Variants in GRK1 observed in about 807,000 individuals in gnomAD.
GRK1 encodes the protein G protein-coupled receptor kinase 1, also known as rhodopsin kinase GRK1.
In GRK1, 28 loss-of-function variants were observed where a neutral mutation model predicts 41.7. That is an observed-to-expected ratio of 0.67 (90% CI 0.50 to 0.92). The LOEUF is 0.92. GRK1 is among the 40% of genes least tolerant of loss of function. GRK1 has a pLI of 0.00. For synonymous variants in GRK1, 327 were observed against 286.7 expected, an observed-to-expected ratio of 1.14 and a Z score of -1.42; for missense variants, 703 against 671.2, an observed-to-expected ratio of 1.05 and a Z score of -0.52.
intron 1 of GRK1, among the ~76,000 whole-genome samples, chr13:113,668,375 T>C (rs2049834371): frequency 6.6e-6 from 1 of 152,022 alleles, no homozygotes; most frequent in Admixed American, 6.5e-5. Context: ...GCCTCAAGTG[T>C]GGGGGAAAGA....
In GRK1 at chr13:113,736,711, C is replaced by T. The variant is rs756799754; in HGVS notation, c.*1348C>T. 3.3e-5 allele frequency: 5 copies of T among 152,202 alleles called. No individual in the cohort carries two copies. In the East Asian group the frequency reaches 7.7e-4, roughly 24 times the overall value. 9.4% of individuals were successfully genotyped at this position (152,202 alleles called of 1,614,324 possible). Reference sequence around the variant, plus strand: ...TTTAGGAAAGAACTTCCTTTGAGCCCCGGCCACTGTTGTACCAGTGGGAGA... The same window carrying T: ...TTTAGGAAAGAACTTCCTTTGAGCCTCGGCCACTGTTGTACCAGTGGGAGA... On this transcript the variant is annotated 3_prime_UTR_variant, in exon 7 of 7. Transcript: ENST00000335678.
rs1014078359 is a variant in GRK1, at chr13:113,733,510, CGT to C, written c.1396+433_1396+434del. On this transcript the variant is annotated intron_variant, in intron 6 of 6. Transcript: ENST00000335678. ...GCGCGCGTGTGTGTATGTGTGTGCA[CGT>C]GTGTGTGCATGTGTGCGCGTGTGTG... is the stretch of plus-strand genomic sequence containing the variant. 4.4e-4 allele frequency among the ~76,000 whole-genome samples: 55 copies of C among 124,280 alleles called. 2 individuals carry two copies. The South Asian group carries it at 5.1e-3, about 12-fold the overall frequency. 81.5% of individuals were successfully genotyped at this position (124,280 alleles called of 152,430 possible). A position where few individuals can be genotyped will look rare whatever the true frequency, so the allele number is the denominator to read the frequency against.
At chr13:113,666,195 CCCCAGGTGTGCCCCCGCTGT>C (rs1335012679), upstream of GRK1, among the ~76,000 whole-genome samples, 1 of 144,742 alleles carries the variant, frequency 6.9e-6, no homozygotes, top group African/African-American at 2.6e-5. Flanking sequence ...CTCAGGTGTG[CCCCAGGTGTGCCCCCGCTGT>C]CCCAGGTGTG....
the GRK1 span, chr13:113,653,254 A>G: frequency 2.8e-5 from 41 of 1,485,780 alleles, 1 homozygote; most frequent in South Asian, 1.7e-4. Context: ...TTCACACCTC[A>G]CCCACCCGCC....
chr13:113,724,151 G>A (rs1027370217), intron 4 of GRK1, among the ~76,000 whole-genome samples: 2 of 152,120 alleles, frequency 1.3e-5, no homozygotes, highest in Non-Finnish European at 2.9e-5. Flanking sequence ...AAGCAGAGCG[G>A]GGTCCGTGTT....
At chr13:113,652,886 A>G in the GRK1 span, 1 of 1,614,190 alleles carries the variant, frequency 6.2e-7, no homozygotes, top group South Asian at 1.1e-5. Context: ...GTTCATTTTA[A>G]TAATAAAACA....
chr13:113,654,669 G>A, the GRK1 span: 1 of 1,297,084 alleles, frequency 7.7e-7, no homozygotes, highest in Non-Finnish European at 1.0e-6. Context: ...ACCTGCTGGG[G>A]TGTGTGGCTC....
rs2049905154 is a variant in GRK1 at position 113,728,121 on chromosome 13, CG to C, written c.1070-3097del. Among the ~76,000 whole-genome samples the C allele has an allele frequency of 2.4e-5, 2 of 81,682 alleles. 1 individual carries two copies. The highest frequency in any genetic ancestry group is 1.5e-4 in the African/African-American group (2 of 13,600). The allele number at this position is 81,682 out of a possible 152,430, so 53.6% of individuals were successfully genotyped here. ...CCATGGCAATGAGGAGTACCCATGG[CG>C]ATGAGGAGTACCCATGGCGATGAGG... On this transcript the variant is annotated intron_variant, in intron 4 of 6. Coordinates refer to ENST00000335678, the MANE Select transcript of GRK1 (RefSeq NM_002929.3).
chr13:113,652,761 T>A, the GRK1 span: 2 of 1,274,680 alleles, frequency 1.6e-6, no homozygotes, highest in East Asian at 2.5e-5. Context: ...GGAGTCCCTG[T>A]CCCGCTTGGG....
chr13:113,653,532 C>A, the GRK1 span: 3 of 1,042,802 alleles, frequency 2.9e-6, no homozygotes, highest in South Asian at 1.4e-5. Context: ...GGCGGTGGCC[C>A]AACCCAGGAG....
chr13:113,650,241 T>C, the GRK1 span, among the ~76,000 whole-genome samples: 1 of 152,056 alleles, frequency 6.6e-6, no homozygotes, highest in East Asian at 1.9e-4. The surrounding 1 kb of genome is among the most constrained non-coding windows in gnomAD (Gnocchi z 5.0). Flanking sequence ...TCCAGGTAGA[T>C]ACAAGAACCT....
At position 113,733,650 on chromosome 13, in the gene GRK1, TAC is replaced by T. The variant is rs1188751668; in HGVS notation, c.1396+566_1396+567del. On this transcript the variant is annotated intron_variant, in intron 6 of 6. Coordinates refer to ENST00000335678, the MANE Select transcript of GRK1 (RefSeq NM_002929.3). The stretch of plus-strand genomic sequence containing the variant: ...ACGTGTGTGCTCATGTATGTGTGCA[TAC>T]GTGTGTGTGCGTGTGTGCACGTGTG... Among the ~76,000 whole-genome samples the T allele has an allele frequency of 6.5e-3, 689 of 105,224 alleles. 8 individuals are homozygous for T. The highest frequency in any genetic ancestry group is 0.031 in the African/African-American group (655 of 21,038). The allele number at this position is 105,224 out of a possible 152,430, so 69.0% of individuals were successfully genotyped here.
intron 3 of GRK1, among the ~76,000 whole-genome samples, chr13:113,672,518 G>GGT (rs1164613193): frequency 0.072 from 83 of 1,148 alleles, no homozygotes; most frequent in Middle Eastern, 0.25. Context: ...TAAATTGTGT[G>GGT]GTGTGTGTGT....
chr13:113,726,988 C>T (rs1433448798), intron 4 of GRK1, among the ~76,000 whole-genome samples: 2 of 152,240 alleles, frequency 1.3e-5, no homozygotes, highest in Non-Finnish European at 1.5e-5. Context: ...CTGACCAGCC[C>T]CAGCAGCCCC....
chr13:113,652,671 C>CT, the GRK1 span: 1 of 688,314 alleles, frequency 1.5e-6, no homozygotes, highest in South Asian at 1.5e-5. Context: ...GTGCTGGTGT[C>CT]TGACGAGTGG....
At chr13:113,663,245 T>C (rs887069606), upstream of GRK1, among the ~76,000 whole-genome samples, 4 of 152,132 alleles carry the variant, frequency 2.6e-5, no homozygotes, top group South Asian at 2.1e-4. Context: ...GAAGCAAAAA[T>C]AACCTTTTCA....
Position 113,733,009 on chromosome 13 carries a change from G to A in GRK1, c.1320G>A (p.Gly440=). 6.5e-7 allele frequency: 1 copy of A among 1,537,142 alleles called. No individual in the cohort carries two copies. The highest frequency in any genetic ancestry group is 8.7e-7 in the Non-Finnish European group (1 of 1,146,916). Residue 440 remains glycine (G), a synonymous_variant, in exon 6 of 7, where the codon GGG becomes GGA. Coordinates refer to ENST00000335678, the MANE Select transcript of GRK1 (RefSeq NM_002929.3). ...AGAAGGACCCGGAGAAGCGCCTGGG[G>A]TTCAGAGATGAGACCTGCGACAAGC... ...LLEKDPEKRL[G]FRDETCDKLR... is the part of the protein sequence containing the mutation.
At chr13:113,654,798 C>T in the GRK1 span, 17 of 1,611,866 alleles carry the variant, frequency 1.1e-5, no homozygotes, top group South Asian at 8.8e-5. Context: ...ATGGGGGCAA[C>T]ATCCCGGGCG....
At chr13:113,653,337 G>A in the GRK1 span, 1 of 1,613,624 alleles carries the variant, frequency 6.2e-7, no homozygotes, top group Non-Finnish European at 8.5e-7. Context: ...GGAAGGCGTG[G>A]AGAGTCTGTG....
Sources: gnomAD v4.1 joint callset for allele counts (sites outside exome capture counted in the v4.1 genomes callset) on GRCh38, gnomAD v4.1.1 for gene constraint, Gnocchi (gnomAD v3.1) non-coding constraint, MANE v1.5 for transcripts, NCBI Gene and HGNC (gene_info 2026-07-23, HGNC 2026-07-21) for gene names.